SBF2: variants seen among roughly 807,000 people sequenced by gnomAD.
The protein encoded by SBF2 is myotubularin-related protein 13.
Under a neutral mutation model 225.2 loss-of-function variants are expected in SBF2, and 112 were observed. That is an observed-to-expected ratio of 0.50 (90% CI 0.43 to 0.58). The LOEUF (loss-of-function observed/expected upper bound fraction) is 0.58. Ranked by LOEUF, SBF2 falls within the 20% of genes least tolerant of loss-of-function variation. The pLI is 0.00. For missense variants in SBF2, 1,996 were observed against 2,206.2 expected (o/e 0.90, Z 1.91); for synonymous variants, 763 against 773.3 (o/e 0.99, Z 0.22).
At chr11:10,001,627 C>A (rs902038072) in intron 7 of SBF2, among the ~76,000 whole-genome samples, 1 of 151,950 alleles carries the variant, frequency 6.6e-6, no homozygotes, top group African/African-American at 2.4e-5. Context: ...AGGGTTCACA[C>A]CATTCTCCTG....
In SBF2 at chr11:10,132,659, T is replaced by C. The variant is rs562358274; in HGVS notation, c.141+61243A>G. On this transcript the variant is annotated intron_variant, in intron 2 of 39. Transcript: ENST00000256190. Reference sequence around the variant, plus strand: ...ATAAAAGCAGTGTGGACCCAAAGAGTGAGCAGTAGCAAGATTTATTGCAAA... The same window carrying C: ...ATAAAAGCAGTGTGGACCCAAAGAGCGAGCAGTAGCAAGATTTATTGCAAA... 2.0e-5 allele frequency among the ~76,000 whole-genome samples: 3 copies of C among 147,992 alleles called. No homozygotes were observed. The South Asian group carries it at 6.4e-4, about 32-fold the overall frequency.
chr11:9,865,187 T>C (rs1298610682), intron 17 of SBF2, among the ~76,000 whole-genome samples: 1 of 152,248 alleles, frequency 6.6e-6, no homozygotes, highest in Non-Finnish European at 1.5e-5. Flanking sequence ...TGGTTTTTCA[T>C]GCATTATGTT....
chr11:9,990,230 C>A (rs923085331), intron 12 of SBF2, among the ~76,000 whole-genome samples: 1 of 152,106 alleles, frequency 6.6e-6, no homozygotes, highest in Non-Finnish European at 1.5e-5. Context: ...AGGTACAATA[C>A]AGGATTCTTC....
At chr11:10,174,136 C>G (rs1287418310) in intron 2 of SBF2, among the ~76,000 whole-genome samples, 3 of 152,000 alleles carry the variant, frequency 2.0e-5, no homozygotes, top group Non-Finnish European at 4.4e-5. Context: ...AGTTCCTCAC[C>G]AGCAACGGAA....
At chr11:9,990,873 T>C (rs929815195) in intron 12 of SBF2, among the ~76,000 whole-genome samples, 7 of 151,730 alleles carry the variant, frequency 4.6e-5, no homozygotes, top group Admixed American at 3.9e-4. Flanking sequence ...AAGAGCAGAG[T>C]ATGAAGAACA....
intron 2 of SBF2, among the ~76,000 whole-genome samples, chr11:10,108,515 CTTTTTTTTTTTTT>C (rs34189666): frequency 1.7e-4 from 14 of 83,462 alleles, no homozygotes; most frequent in African/African-American, 6.2e-4. Flanking sequence ...TAATAGTTAA[CTTTTTTTTTTTTT>C]TTTTTTTTTT....
chr11:9,971,591 A>G (rs538894587), intron 13 of SBF2, among the ~76,000 whole-genome samples: 5 of 152,248 alleles, frequency 3.3e-5, no homozygotes, highest in Admixed American at 3.3e-4. Flanking sequence ...AGGGAGGAGG[A>G]TAGTTTAAGC....
rs1856817983 is a variant in SBF2, at chr11:9,850,137, T to G, written c.2692A>C (p.Arg898=). 1 of 1,614,130 alleles carries G rather than the reference T, an allele frequency of 6.2e-7. No homozygotes were observed. The highest frequency in any genetic ancestry group is 2.2e-5 in the East Asian group (1 of 44,884). ...AGAAGACCTCCAGTAGCTTCTTCTC[T>G]TCCATCAGGATCCAGCAAGACTCGA... ...GLRVLLDPDG[R]EEATGGLLGG... is the part of the protein sequence containing the mutation. Residue 898 remains arginine, a synonymous_variant, in exon 22 of 40, where the codon AGA becomes CGA. Coordinates refer to ENST00000256190, the MANE Select transcript of SBF2 (RefSeq NM_030962.4).
At chr11:10,279,871 G>A (rs1365629617) in intron 1 of SBF2, among the ~76,000 whole-genome samples, 3 of 151,796 alleles carry the variant, frequency 2.0e-5, no homozygotes, top group Non-Finnish European at 1.5e-5. Context: ...GGCTGGTCTC[G>A]AACTTCTGAC....
intron 14 of SBF2, among the ~76,000 whole-genome samples, chr11:9,967,937 CTG>C (rs202162397): frequency 0.026 from 3,123 of 118,028 alleles, 40 homozygotes; most frequent in Non-Finnish European, 0.04. Context: ...GTCTGTCTGT[CTG>C]TCTGTCTGTC....
At chr11:9,847,647 G>A (rs1400272653) in intron 22 of SBF2, among the ~76,000 whole-genome samples, 1 of 152,088 alleles carries the variant, frequency 6.6e-6, no homozygotes, top group East Asian at 1.9e-4. Context: ...CTATATATAT[G>A]TGCCTTTGGA....
chr11:10,149,717 G>A (rs765675453), intron 2 of SBF2, among the ~76,000 whole-genome samples: 9 of 152,144 alleles, frequency 5.9e-5, no homozygotes, highest in Admixed American at 1.3e-4. Context: ...TTTCTATGTT[G>A]ATCAGGGTAA....
intron 2 of SBF2, among the ~76,000 whole-genome samples, chr11:10,094,332 T>A (rs1384973337): frequency 6.6e-6 from 1 of 151,940 alleles, no homozygotes; most frequent in African/African-American, 2.4e-5. Context: ...TCAAAAAATA[T>A]ATGTATATAT....
chr11:10,044,073 A>C (rs1315266834), intron 2 of SBF2, among the ~76,000 whole-genome samples: 5 of 152,222 alleles, frequency 3.3e-5, no homozygotes, highest in African/African-American at 1.2e-4. Flanking sequence ...CTAAGCTTTG[A>C]CCTTTGGAAA....
chr11:10,238,600 C>G (rs1484793529), intron 1 of SBF2, among the ~76,000 whole-genome samples: 2 of 150,550 alleles, frequency 1.3e-5, no homozygotes, highest in Non-Finnish European at 3.0e-5. Context: ...TTGAGAGACA[C>G]AAAGAGAAAA....
intron 2 of SBF2, among the ~76,000 whole-genome samples, chr11:10,152,095 T>C (rs1280199382): frequency 6.6e-6 from 1 of 152,230 alleles, no homozygotes; most frequent in Non-Finnish European, 1.5e-5. Flanking sequence ...CTGTTCTATT[T>C]GTAAAAACTA....
Position 10,303,688 on chromosome 11 carries a change from T to C in SBF2, n.386+804A>G, listed in dbSNP as rs1964620952. Reference sequence around the variant, plus strand: ...GACTAGAAGCCTGTTTGGCTAGTGGTCTCGCACCTTTGGCCTCTCCGTCGA... The same window carrying C: ...GACTAGAAGCCTGTTTGGCTAGTGGCCTCGCACCTTTGGCCTCTCCGTCGA... On this transcript the variant is annotated intron_variant and non_coding_transcript_variant, in intron 1 of 5. Coordinates refer to the SBF2 transcript ENST00000685217. The surrounding 1 kb of genome is among the most constrained non-coding windows in gnomAD (Gnocchi z 5.2). The C allele has an allele frequency of 6.6e-6, 1 of 152,212 alleles. No individual in the cohort carries two copies. Among genetic ancestry groups the C allele is most frequent in the Admixed American group, 6.5e-5 (1 of 15,270 alleles). 9.4% of individuals were successfully genotyped at this position (152,212 alleles called of 1,614,324 possible).
chr11:10,229,571 C>T (rs1158304820), intron 1 of SBF2, among the ~76,000 whole-genome samples: 1 of 152,128 alleles, frequency 6.6e-6, no homozygotes, highest in South Asian at 2.1e-4. Context: ...TCGTTACGTA[C>T]CCAGTAGTCA....
At chr11:10,161,184 C>CAAAAAAAAAAAAAAAAAA (rs56779207) in intron 2 of SBF2, among the ~76,000 whole-genome samples, 1 of 75,348 alleles carries the variant, frequency 1.3e-5, no homozygotes, top group Non-Finnish European at 2.5e-5. Flanking sequence ...GACTCTGTCT[C>CAAAAAAAAAAAAAAAAAA]AAAAAAAAAA....
Sources: allele counts gnomAD v4.1 joint callset (sites outside exome capture counted in the v4.1 genomes callset), GRCh38; gene constraint gnomAD v4.1.1; non-coding constraint Gnocchi (gnomAD v3.1); transcripts MANE v1.5; gene names NCBI Gene and HGNC (gene_info 2026-07-23, HGNC 2026-07-21).